Variants in ATXN7L1 observed in about 807,000 individuals in gnomAD.
ATXN7L1 encodes ataxin 7 like 1, also known as ataxin-7-like protein 1.
ATXN7L1 carries 15 observed loss-of-function variants against 70.8 expected under a neutral mutation model. The ratio of observed to expected loss-of-function variants is 0.21; its 90% CI spans 0.14 to 0.33. The LOEUF is 0.33. Among genes scored for constraint, ATXN7L1 ranks in the 10% least tolerant of loss-of-function variants. ATXN7L1 has a pLI of 1.00. For synonymous variants in ATXN7L1, 440 were observed against 445.1 expected (o/e 0.99, Z 0.14); for missense variants, 975 against 1,097.1 (o/e 0.89, Z 1.57).
intron 7 of ATXN7L1, among the ~76,000 whole-genome samples, chr7:105,631,281 T>C (rs1484445502): frequency 6.6e-6 from 1 of 152,166 alleles, no homozygotes; most frequent in Non-Finnish European, 1.5e-5. Flanking sequence ...TGACCTACTA[T>C]AGAACCTCCA....
At chr7:105,608,006 C>T in intron 11 of ATXN7L1, 116 bp from the exon 12 acceptor site, 3 of 930,768 alleles carry the variant, frequency 3.2e-6, no homozygotes, top group South Asian at 2.9e-5. Context: ...AATATCCCAC[C>T]TCCCATATCC....
chr7:105,813,930 C>A (rs1808816027), intron 2 of ATXN7L1, among the ~76,000 whole-genome samples: 1 of 152,142 alleles, frequency 6.6e-6, no homozygotes, highest in Non-Finnish European at 1.5e-5. Context: ...AATTTCCTCC[C>A]ACCAGTATGA....
intron 9 of ATXN7L1, among the ~76,000 whole-genome samples, chr7:105,619,522 ATATATATATTTTTTTTTTTTTTT>A (rs1425040140): frequency 2.1e-3 from 43 of 20,094 alleles, no homozygotes; most frequent in African/African-American, 7.2e-3. Context: ...ATATATATAT[ATATATATATTTTTTTTTTTTTTT>A]TTTTTTTTTT....
chr7:105,804,936 G>C (rs772004965), intron 2 of ATXN7L1, among the ~76,000 whole-genome samples: 1 of 152,200 alleles, frequency 6.6e-6, no homozygotes, highest in African/African-American at 2.4e-5. Flanking sequence ...GAGAAAGGGA[G>C]ACAGGCAGGC....
rs36163594 is a variant in ATXN7L1 at position 105,658,523 on chromosome 7, C to CTT, written c.578+6541_578+6542dup. Among the ~76,000 whole-genome samples, 346 of 107,322 alleles carry CTT rather than the reference C, an allele frequency of 3.2e-3. 2 individuals are homozygous for CTT. The highest frequency in any genetic ancestry group is 3.8e-3 in the Non-Finnish European group (215 of 56,252). The allele number at this position is 107,322 out of a possible 152,430, so 70.4% of individuals were successfully genotyped here. On this transcript the variant is annotated intron_variant, in intron 4 of 11. Coordinates refer to ENST00000419735, the MANE Select transcript of ATXN7L1 (RefSeq NM_020725.2). ...TAAAACGCTGTTATGTGGCACATAA[C>CTT]TTTTTTTTTTTTTTTTTTTTTGAGG... is the stretch of plus-strand genomic sequence containing the variant.
At chr7:105,776,210 G>A (rs1434222689) in intron 3 of ATXN7L1, among the ~76,000 whole-genome samples, 2 of 152,232 alleles carry the variant, frequency 1.3e-5, no homozygotes, top group Non-Finnish European at 2.9e-5. Flanking sequence ...TGATGAGTCA[G>A]AAGCCAGGGG....
chr7:105,667,571 C>T lies in ATXN7L1; in HGVS notation c.356-2283G>A, dbSNP rs1047876094. Among the ~76,000 whole-genome samples the T allele has an allele frequency of 3.0e-5, 4 of 133,072 alleles. 1 individual carries two copies. The highest frequency in any genetic ancestry group is 7.9e-5 in the Admixed American group (1 of 12,696). The allele number at this position is 133,072 out of a possible 152,430, so 87.3% of individuals were successfully genotyped here. On this transcript the variant is annotated intron_variant, in intron 3 of 11. Coordinates refer to ENST00000419735, the MANE Select transcript of ATXN7L1 (RefSeq NM_020725.2). ...AAAATTAGCCGGGCGTAGTGGCGGG[C>T]GCCTGTAGTCCCAGCTACTTGGGAG... is the stretch of plus-strand genomic sequence containing the variant.
chr7:105,613,237 C>T (rs1376656397), intron 10 of ATXN7L1, among the ~76,000 whole-genome samples: 2 of 152,242 alleles, frequency 1.3e-5, no homozygotes, highest in Non-Finnish European at 2.9e-5. Flanking sequence ...CTCCTATCTG[C>T]ACCATGGCAT....
intron 3 of ATXN7L1, among the ~76,000 whole-genome samples, chr7:105,727,115 T>C (rs1487338590): frequency 6.6e-6 from 1 of 152,156 alleles, no homozygotes; most frequent in Non-Finnish European, 1.5e-5. Context: ...AGGGTGAGTA[T>C]ACCAATGGGC....
rs2116259865 is a variant in ATXN7L1 at position 105,708,378 on chromosome 7, TCCTCAATAAAACAG to T, written c.356-43104_356-43091del. On this transcript the variant is annotated intron_variant, in intron 3 of 11. Coordinates refer to ENST00000419735, the MANE Select transcript of ATXN7L1 (RefSeq NM_020725.2). ...TTGGCTCTTGTTCCTCTTCCTCTCTTCCTCAATAAAACAGCCTCTCCAAGTTGAGTGGGCCAGTA... is the reference window on the plus strand; with the variant it reads ...TTGGCTCTTGTTCCTCTTCCTCTCTTCCTCTCCAAGTTGAGTGGGCCAGTA... 1.3e-5 allele frequency among the ~76,000 whole-genome samples: 2 copies of T among 152,290 alleles called. 1 individual carries two copies. The highest frequency in any genetic ancestry group is 1.3e-4 in the Admixed American group (2 of 15,292).
intron 3 of ATXN7L1, among the ~76,000 whole-genome samples, chr7:105,740,030 C>T (rs1462641364): frequency 6.6e-6 from 1 of 152,202 alleles, no homozygotes; most frequent in African/African-American, 2.4e-5. Flanking sequence ...GTATATATAG[C>T]TCCACACCTT....
At chr7:105,775,399 A>T (rs1802587605) in intron 3 of ATXN7L1, among the ~76,000 whole-genome samples, 1 of 152,230 alleles carries the variant, frequency 6.6e-6, no homozygotes, top group Non-Finnish European at 1.5e-5. Flanking sequence ...AAGTATCTTT[A>T]GAGATTTGTA....
At chr7:105,801,120 A>G (rs528438262) in intron 2 of ATXN7L1, among the ~76,000 whole-genome samples, 2 of 152,324 alleles carry the variant, frequency 1.3e-5, no homozygotes, top group East Asian at 3.9e-4. Flanking sequence ...CTGATGTCTG[A>G]TACTTGGGAT....
rs1165540783 is a variant in ATXN7L1, at chr7:105,614,720, G to A, written c.1614C>T (p.Pro538=). ...GAGCTGAAGGAAGATACACAGCACT[G>A]GGGTTGCTGAAAGGCTGCAAAACGG... ...PASVLQPFSN[P]SAVYLPSAPI... Residue 538 remains proline, a synonymous_variant, in exon 10 of 12, where the codon CCC becomes CCT. Transcript: ENST00000419735. This position sits in a 1 kb window ranked among gnomAD's most constrained non-coding sequence, Gnocchi z 4.3. 6.4e-7 allele frequency: 1 copy of A among 1,551,760 alleles called. No homozygotes were observed. The highest frequency in any genetic ancestry group is 2.4e-5 in the East Asian group (1 of 40,920).
At chr7:105,685,282 T>C (rs886787688) in intron 3 of ATXN7L1, among the ~76,000 whole-genome samples, 2 of 152,068 alleles carry the variant, frequency 1.3e-5, no homozygotes, top group Non-Finnish European at 2.9e-5. Context: ...GTCAATGACA[T>C]CAGGCATGTA....
At chr7:105,689,843 C>A (rs1454056397) in intron 3 of ATXN7L1, among the ~76,000 whole-genome samples, 1 of 152,198 alleles carries the variant, frequency 6.6e-6, no homozygotes, top group Non-Finnish European at 1.5e-5. Context: ...ATGAGCCAGG[C>A]CCCAAAGCCA....
intron 2 of ATXN7L1, chr7:105,819,422 T>A (rs1439798301): frequency 6.8e-5 from 39 of 571,086 alleles, no homozygotes; most frequent in Non-Finnish European, 1.1e-4. Flanking sequence ...CAAAGCAAAA[T>A]GCATTAACTT....
chr7:105,675,207 G>A (rs189907407), intron 3 of ATXN7L1, among the ~76,000 whole-genome samples: 2 of 152,220 alleles, frequency 1.3e-5, no homozygotes, highest in Admixed American at 1.3e-4. Context: ...TAAAGCAATT[G>A]GTAGGAGACA....
At chr7:105,858,915 A>G (rs930983716) in intron 2 of ATXN7L1, among the ~76,000 whole-genome samples, 25 of 152,108 alleles carry the variant, frequency 1.6e-4, no homozygotes, top group African/African-American at 6.0e-4. Context: ...AGAAATATGT[A>G]TTATACATAT....
Sources: allele counts gnomAD v4.1 joint callset (sites outside exome capture counted in the v4.1 genomes callset), GRCh38; gene constraint gnomAD v4.1.1; non-coding constraint Gnocchi (gnomAD v3.1); transcripts MANE v1.5; gene names NCBI Gene and HGNC (gene_info 2026-07-23, HGNC 2026-07-21).